Variants in RGS6 observed in about 807,000 individuals in gnomAD.
RGS6 encodes the protein regulator of G protein signaling 6, also known as regulator of G-protein signaling 6.
A neutral mutation model predicts 78.5 loss-of-function variants in RGS6; 30 were observed. That is an observed-to-expected ratio of 0.38 (90% confidence interval 0.29 to 0.52). The LOEUF (loss-of-function observed/expected upper bound fraction) is 0.52. Among genes scored for constraint, RGS6 ranks in the 20% least tolerant of loss-of-function variants. The probability of loss-of-function intolerance (pLI) is 0.85; values close to 1 mark genes in which losing one functional copy is unlikely to be tolerated. For synonymous variants in RGS6, 206 were observed against 206.0 expected, an observed-to-expected ratio of 1.00 and a Z score of 0.00; for missense variants, 495 against 609.7, an observed-to-expected ratio of 0.81 and a Z score of 1.98.
At chr14:72,540,645 T>C (rs180835284) in intron 17 of RGS6, 1 of 1,417,734 alleles carries the variant, frequency 7.1e-7, no homozygotes, top group African/African-American at 1.4e-5. Context: ...CTGGCGTGTG[T>C]GTTAGTCGCC....
chr14:72,553,623 T>C (rs1378954862), intron 17 of RGS6, among the ~76,000 whole-genome samples: 2 of 152,214 alleles, frequency 1.3e-5, no homozygotes, highest in African/African-American at 4.8e-5. Context: ...ATGAGTCCCT[T>C]GTCCCAGAGG....
intron 2 of RGS6, among the ~76,000 whole-genome samples, chr14:72,042,562 A>G (rs1733570052): frequency 6.6e-6 from 1 of 152,172 alleles, no homozygotes; most frequent in Non-Finnish European, 1.5e-5. Context: ...ATGTATCTGT[A>G]TAATGTATTC....
At chr14:72,309,125 C>A (rs2067947189) in intron 2 of RGS6, among the ~76,000 whole-genome samples, 1 of 152,162 alleles carries the variant, frequency 6.6e-6, no homozygotes, top group Non-Finnish European at 1.5e-5. Flanking sequence ...CCCCTCCTTG[C>A]AAGTCTATAC....
At chr14:71,976,080 T>C (rs1435289435) in intron 2 of RGS6, among the ~76,000 whole-genome samples, 1 of 151,892 alleles carries the variant, frequency 6.6e-6, no homozygotes, top group Admixed American at 6.5e-5. Flanking sequence ...TTTTATAGTT[T>C]CTAGTTTTCT....
At chr14:72,334,671 G>C (rs1322206662) in intron 2 of RGS6, among the ~76,000 whole-genome samples, 3 of 152,200 alleles carry the variant, frequency 2.0e-5, no homozygotes, top group Non-Finnish European at 4.4e-5. Context: ...TGAGACCTCA[G>C]AGGAAAGTGG....
At chr14:71,930,765 C>G (rs12893187), upstream of RGS6, among the ~76,000 whole-genome samples, 4 of 151,624 alleles carry the variant, frequency 2.6e-5, no homozygotes, top group East Asian at 7.7e-4. Context: ...GGTGGATCAT[C>G]TGAGGTCAGG....
At chr14:72,609,725 G>A in the RGS6 span, among the ~76,000 whole-genome samples, 2 of 152,186 alleles carry the variant, frequency 1.3e-5, no homozygotes, top group Admixed American at 6.5e-5. Flanking sequence ...TGGGAGGTGG[G>A]AGCTTTTTGT....
intron 2 of RGS6, among the ~76,000 whole-genome samples, chr14:72,142,522 C>T (rs953693379): frequency 6.6e-6 from 1 of 152,148 alleles, no homozygotes; most frequent in African/African-American, 2.4e-5. Flanking sequence ...TGCATCTGTT[C>T]CATGTGTTTC....
chr14:72,424,295 A>C (rs1414107933), intron 3 of RGS6, among the ~76,000 whole-genome samples: 1 of 152,172 alleles, frequency 6.6e-6, no homozygotes, highest in Non-Finnish European at 1.5e-5. Flanking sequence ...TTTGGGGGTA[A>C]GTTTTCTGGA....
At chr14:71,910,508 A>T in the RGS6 span, among the ~76,000 whole-genome samples, 1 of 152,220 alleles carries the variant, frequency 6.6e-6, no homozygotes, top group Non-Finnish European at 1.5e-5. Flanking sequence ...GTCACCTTTC[A>T]TTGAAGTTTC....
chr14:72,574,834 G>A, the RGS6 span, among the ~76,000 whole-genome samples: 5 of 152,144 alleles, frequency 3.3e-5, no homozygotes, highest in African/African-American at 9.7e-5. Flanking sequence ...GACTGGAGTG[G>A]GCACAGAGAC....
chr14:72,482,106 G>A (rs1007735572), intron 12 of RGS6, among the ~76,000 whole-genome samples: 33 of 152,036 alleles, frequency 2.2e-4, no homozygotes, highest in Admixed American at 4.6e-4. Context: ...CACCGCTCCC[G>A]GCCTATTTTA....
At chr14:72,607,232 A>T in the RGS6 span, among the ~76,000 whole-genome samples, 1 of 152,172 alleles carries the variant, frequency 6.6e-6, no homozygotes, top group Non-Finnish European at 1.5e-5. Flanking sequence ...GGGCCCCTAT[A>T]ATAAAGTGCC....
intron 2 of RGS6, among the ~76,000 whole-genome samples, chr14:71,975,705 C>T (rs910458766): frequency 5.3e-5 from 8 of 152,196 alleles, no homozygotes; most frequent in African/African-American, 1.9e-4. Flanking sequence ...GATCCTCCCA[C>T]CTCAGCCTCC....
At chr14:72,542,879 T>C (rs142485157) in intron 17 of RGS6, among the ~76,000 whole-genome samples, 84 of 152,292 alleles carry the variant, frequency 5.5e-4, no homozygotes, top group African/African-American at 1.8e-3. Context: ...TGCCCCCTTT[T>C]CCATGAGATC....
At chr14:72,313,550 C>A (rs570488186) in intron 2 of RGS6, among the ~76,000 whole-genome samples, 1 of 152,196 alleles carries the variant, frequency 6.6e-6, no homozygotes. Context: ...CCCTTATGAT[C>A]GTTCCTTCTG....
chr14:72,598,333 C>A, the RGS6 span, among the ~76,000 whole-genome samples: 12 of 152,148 alleles, frequency 7.9e-5, no homozygotes, highest in African/African-American at 2.9e-4. Context: ...TAGGAAGGGT[C>A]CCAGGGTCTT....
At chr14:71,876,441 TG>T in the RGS6 span, among the ~76,000 whole-genome samples, 1 of 149,600 alleles carries the variant, frequency 6.7e-6, no homozygotes, top group South Asian at 2.1e-4. Flanking sequence ...GTTTAAAATC[TG>T]TTTTATCAGA....
intron 17 of RGS6, among the ~76,000 whole-genome samples, chr14:72,560,513 C>T (rs917304748): frequency 2.4e-4 from 37 of 152,186 alleles, no homozygotes; most frequent in Non-Finnish European, 8.8e-5. Flanking sequence ...TAAGAAAGGG[C>T]ACTCAAGGAG....
Sources: allele counts gnomAD v4.1 joint callset (sites outside exome capture counted in the v4.1 genomes callset), GRCh38; gene constraint gnomAD v4.1.1; transcripts MANE v1.5; gene names NCBI Gene and HGNC (gene_info 2026-07-23, HGNC 2026-07-21).